Variants in NRG3 observed in about 807,000 individuals in gnomAD.
The protein encoded by NRG3 is neuregulin 3.
Under a neutral mutation model 66.9 loss-of-function variants are expected in NRG3, and 31 were observed. That is an observed-to-expected ratio of 0.46 (90% confidence interval 0.35 to 0.63). NRG3 has a LOEUF of 0.63. Among genes scored for constraint, NRG3 ranks in the 20% least tolerant of loss-of-function variants. The pLI, the probability that NRG3 is intolerant of heterozygous loss-of-function variation, is 0.00. For missense variants in NRG3, 910 were observed against 878.9 expected (o/e 1.04, Z -0.45); for synonymous variants, 393 against 359.4 (o/e 1.09, Z -1.06).
At chr10:81,995,965 T>C (rs1369206458) in intron 1 of NRG3, among the ~76,000 whole-genome samples, 2 of 152,218 alleles carry the variant, frequency 1.3e-5, no homozygotes, top group Non-Finnish European at 2.9e-5. Flanking sequence ...TGGAAAGCCC[T>C]GGGTTAATCT....
At chr10:82,633,847 A>G (rs561873009) in intron 2 of NRG3, among the ~76,000 whole-genome samples, 4 of 152,198 alleles carry the variant, frequency 2.6e-5, no homozygotes, top group East Asian at 3.9e-4. Context: ...TTGACCATCA[A>G]TTTTTTTGTC....
At chr10:82,693,567 G>T (rs2055118678) in intron 2 of NRG3, among the ~76,000 whole-genome samples, 2 of 152,144 alleles carry the variant, frequency 1.3e-5, no homozygotes, top group Non-Finnish European at 2.9e-5. Flanking sequence ...ACAAAACAAA[G>T]ATAATAATAA....
chr10:82,277,819 A>AT (rs956157708), intron 1 of NRG3, among the ~76,000 whole-genome samples: 3 of 152,002 alleles, frequency 2.0e-5, no homozygotes, highest in African/African-American at 4.8e-5. Flanking sequence ...CAAGATCCAC[A>AT]TTTTTTTCTT....
chr10:82,526,026 A>AT (rs1846658838), intron 2 of NRG3, among the ~76,000 whole-genome samples: 2 of 151,990 alleles, frequency 1.3e-5, no homozygotes, highest in Non-Finnish European at 2.9e-5. Context: ...AGAAGAAAGG[A>AT]TAAAACTATG....
intron 1 of NRG3, among the ~76,000 whole-genome samples, chr10:81,898,729 C>T (rs1843751125): frequency 6.7e-6 from 1 of 149,976 alleles, no homozygotes; most frequent in Non-Finnish European, 1.5e-5. Flanking sequence ...GGGAGAAATA[C>T]TTGAAATATT....
intron 1 of NRG3, among the ~76,000 whole-genome samples, chr10:82,007,113 A>G (rs1404924907): frequency 6.6e-6 from 1 of 152,132 alleles, no homozygotes; most frequent in Non-Finnish European, 1.5e-5. Context: ...TTAATCTAAA[A>G]GTCTTACCTA....
At chr10:82,045,665 T>C (rs1305556833) in intron 1 of NRG3, among the ~76,000 whole-genome samples, 4 of 76,316 alleles carry the variant, frequency 5.2e-5, no homozygotes, top group East Asian at 3.7e-4. Flanking sequence ...TGAATGGTAA[T>C]GCCTAGGTTT....
intron 4 of NRG3, among the ~76,000 whole-genome samples, chr10:82,891,941 C>T (rs1843185245): frequency 6.6e-6 from 1 of 151,896 alleles, no homozygotes; most frequent in Non-Finnish European, 1.5e-5. Context: ...GAAAGTTTCC[C>T]TTCTATTTCT....
chr10:82,448,309 G>A (rs1022036451), intron 2 of NRG3, among the ~76,000 whole-genome samples: 2 of 152,158 alleles, frequency 1.3e-5, no homozygotes, highest in African/African-American at 2.4e-5. Context: ...GAAAAATTGG[G>A]ATTTAACAAG....
At chr10:81,914,559 C>T (rs892464750) in intron 1 of NRG3, among the ~76,000 whole-genome samples, 3 of 150,438 alleles carry the variant, frequency 2.0e-5, no homozygotes, top group South Asian at 2.1e-4. Context: ...ATTGCGAGAC[C>T]CTGTTTCTGA....
chr10:82,971,624 A>T (rs1034617020), intron 6 of NRG3, among the ~76,000 whole-genome samples: 3 of 151,974 alleles, frequency 2.0e-5, no homozygotes, highest in African/African-American at 7.3e-5. Flanking sequence ...TTTAGTAGAG[A>T]CAGGGTTTCA....
chr10:82,142,761 T>G (rs2069899569), intron 1 of NRG3, among the ~76,000 whole-genome samples: 1 of 127,778 alleles, frequency 7.8e-6, no homozygotes, highest in South Asian at 2.6e-4. Context: ...TCTCTCTCTC[T>G]CGCTCTTTTT....
chr10:82,521,451 C>T (rs1328804525), intron 2 of NRG3, among the ~76,000 whole-genome samples: 1 of 151,930 alleles, frequency 6.6e-6, no homozygotes, highest in Non-Finnish European at 1.5e-5. Context: ...CGCCATTCTC[C>T]TGCCTCAGTC....
intron 2 of NRG3, among the ~76,000 whole-genome samples, chr10:82,672,773 G>T (rs902069701): frequency 1.3e-5 from 2 of 152,096 alleles, no homozygotes; most frequent in African/African-American, 4.8e-5. Flanking sequence ...TTTTTGTGAT[G>T]GAGTCTTACT....
At chr10:82,025,857 T>G (rs1375641298) in intron 1 of NRG3, among the ~76,000 whole-genome samples, 1 of 152,092 alleles carries the variant, frequency 6.6e-6, no homozygotes, top group Non-Finnish European at 1.5e-5. Context: ...TTTGTTTTGA[T>G]AGCTGAGCTG....
chr10:82,286,844 C>T (rs2079446681), intron 1 of NRG3, among the ~76,000 whole-genome samples: 1 of 152,148 alleles, frequency 6.6e-6, no homozygotes, highest in South Asian at 2.1e-4. Flanking sequence ...CCTCGGCCTT[C>T]CAAAGTGCTG....
chr10:81,936,054 A>C (rs1158464158), intron 1 of NRG3, among the ~76,000 whole-genome samples: 1 of 152,108 alleles, frequency 6.6e-6, no homozygotes, highest in Non-Finnish European at 1.5e-5. Context: ...TGTGTTCACC[A>C]TGTAAGTGGG....
At chr10:82,300,515 T>A (rs973945188) in intron 1 of NRG3, among the ~76,000 whole-genome samples, 8 of 152,310 alleles carry the variant, frequency 5.3e-5, no homozygotes, top group African/African-American at 1.9e-4. Context: ...ATTTTCTTTG[T>A]ACTATCGGGA....
chr10:81,877,733 A>T (rs1841802306), intron 1 of NRG3: 1 of 1,362,342 alleles, frequency 7.3e-7, no homozygotes, highest in South Asian at 1.8e-5. Flanking sequence ...GAATGGCAGT[A>T]GAGCCAGTAA....
Sources: allele counts gnomAD v4.1 joint callset (sites outside exome capture counted in the v4.1 genomes callset), GRCh38; gene constraint gnomAD v4.1.1; transcripts MANE v1.5; gene names NCBI Gene and HGNC (gene_info 2026-07-23, HGNC 2026-07-21).